Variants in HMG20A observed in about 807,000 individuals in gnomAD.
HMG20A encodes the protein high mobility group protein 20A.
In HMG20A, 17 loss-of-function variants were observed where a neutral mutation model predicts 43.9. The observed-to-expected ratio is 0.39, with a 90% CI of 0.27 to 0.58. The LOEUF (loss-of-function observed/expected upper bound fraction) is 0.58, where lower values mean the gene tolerates loss of function less well. Among genes scored for constraint, HMG20A ranks in the 20% least tolerant of loss-of-function variants. The probability of loss-of-function intolerance (pLI) is 0.59; values close to 1 mark genes in which losing one functional copy is unlikely to be tolerated. For missense variants in HMG20A, 341 were observed against 438.2 expected (o/e 0.78, Z 1.98); for synonymous variants, 132 against 147.5 (o/e 0.89, Z 0.76).
rs919996414 is a variant in HMG20A at position 77,444,809 on chromosome 15, T to C, written c.-4-13595T>C. Among the ~76,000 whole-genome samples the C allele has an allele frequency of 8.5e-4, 130 of 152,218 alleles. 2 individuals are homozygous for C. The highest frequency in any genetic ancestry group is 8.5e-3 in the Admixed American group (130 of 15,282). On this transcript the variant is annotated intron_variant, in intron 1 of 9. Transcript: ENST00000336216. ...AGCAAAATAATTCTGAGTTTTTCAA[T>C]TTATTTCTGTTTAAACTGTAAAGCA...
At chr15:77,468,572 TTCTCTC>T (rs34591065) in intron 4 of HMG20A, among the ~76,000 whole-genome samples, 10 of 141,864 alleles carry the variant, frequency 7.0e-5, no homozygotes, top group South Asian at 2.3e-4. Context: ...TGCTCAGTCT[TTCTCTC>T]TCTCTCTCTC....
At position 77,480,484 on chromosome 15, in the gene HMG20A, A is replaced by G. The variant is rs527991524; in HGVS notation, c.*6+1163A>G. Among the ~76,000 whole-genome samples, 41 of 151,764 alleles carry G rather than the reference A, an allele frequency of 2.7e-4. 1 individual carries two copies. In the South Asian group the frequency reaches 8.1e-3, roughly 30 times the overall value. On this transcript the variant is annotated intron_variant, in intron 9 of 9. Coordinates refer to ENST00000336216, the MANE Select transcript of HMG20A (RefSeq NM_001304504.2). Reference sequence around the variant, plus strand: ...AAAAATTAGCTGAGCATGATGGCGCACACCTATAGTCCTAGCTACTCAGGA... The same window carrying G: ...AAAAATTAGCTGAGCATGATGGCGCGCACCTATAGTCCTAGCTACTCAGGA...
At chr15:77,478,182 G>C (rs1595932586) in intron 7 of HMG20A, 113 bp from the exon 8 acceptor site, 1 of 930,990 alleles carries the variant, frequency 1.1e-6, no homozygotes, top group Non-Finnish European at 1.7e-6. Context: ...AGGGAGATGA[G>C]GTGGGGTAGC....
intron 1 of HMG20A, among the ~76,000 whole-genome samples, chr15:77,436,837 C>T (rs1199713082): frequency 6.6e-6 from 1 of 152,104 alleles, no homozygotes; most frequent in Non-Finnish European, 1.5e-5. Context: ...CACATCATGC[C>T]CCTCCTTAAA....
chr15:77,422,444 C>T lies in HMG20A; in HGVS notation c.-5+1440C>T, dbSNP rs560405789. On this transcript the variant is annotated intron_variant, in intron 1 of 9. Coordinates refer to ENST00000336216, the MANE Select transcript of HMG20A (RefSeq NM_001304504.2). Reference sequence around the variant, plus strand: ...CAGCCTGGCCAGCATGGTGAAACCCCGTCTCTACTAAAAATACAAAAATTA... The same window carrying T: ...CAGCCTGGCCAGCATGGTGAAACCCTGTCTCTACTAAAAATACAAAAATTA... Among the ~76,000 whole-genome samples the T allele has an allele frequency of 4.6e-5, 7 of 152,134 alleles. No individual in the cohort carries two copies. The East Asian group carries it at 5.8e-4, about 13-fold the overall frequency.
chr15:77,495,338 A>C, the HMG20A span, among the ~76,000 whole-genome samples: 1 of 152,204 alleles, frequency 6.6e-6, no homozygotes, highest in Admixed American at 6.5e-5. Flanking sequence ...ACTTGAGGTC[A>C]GGCGTTCGAG....
chr15:77,502,469 G>T, the HMG20A span, among the ~76,000 whole-genome samples: 1 of 152,242 alleles, frequency 6.6e-6, no homozygotes, highest in African/African-American at 2.4e-5. Context: ...CCTCCATTCA[G>T]TGGTTTCTCG....
Position 77,479,316 on chromosome 15 carries a change from G to A in HMG20A, c.*1G>A, listed in dbSNP as rs371055803. Reference sequence around the variant, plus strand: ...AGTTGTGAACAGACTCGATCGTTAGGGAATGGTGAGTGCTCACTGATAAAT... The same window carrying A: ...AGTTGTGAACAGACTCGATCGTTAGAGAATGGTGAGTGCTCACTGATAAAT... On this transcript the variant is annotated 3_prime_UTR_variant, in exon 9 of 10. Transcript: ENST00000336216. The A allele has an allele frequency of 6.2e-7, 1 of 1,613,564 alleles. No individual in the cohort carries two copies. The highest frequency in any genetic ancestry group is 1.3e-5 in the African/African-American group (1 of 74,990).
intron 4 of HMG20A, 124 bp from the exon 5 acceptor site, chr15:77,470,786 A>G: frequency 1.4e-6 from 1 of 739,688 alleles, no homozygotes; most frequent in South Asian, 3.2e-5. Flanking sequence ...TTCTTTTTTA[A>G]GGCATATTCC....
At chr15:77,468,377 G>GT (rs1396011847) in intron 4 of HMG20A, among the ~76,000 whole-genome samples, 1 of 151,918 alleles carries the variant, frequency 6.6e-6, no homozygotes. Flanking sequence ...AAGGTTTTGT[G>GT]TTTGTTTTTG....
In HMG20A at chr15:77,450,560, T is replaced by C. The variant is rs888792722; in HGVS notation, c.-4-7844T>C. On this transcript the variant is annotated intron_variant, in intron 1 of 9. Coordinates refer to ENST00000336216, the MANE Select transcript of HMG20A (RefSeq NM_001304504.2). ...ACCATTATTCCTGATTCAGAATTCA[T>C]GTGCTACCAATAAGAATCATTCTCT... 2.6e-5 allele frequency among the ~76,000 whole-genome samples: 4 copies of C among 152,266 alleles called. No homozygotes were observed. The East Asian group carries it at 7.7e-4, about 29-fold the overall frequency.
intron 6 of HMG20A, among the ~76,000 whole-genome samples, chr15:77,472,216 T>C (rs561539432): frequency 7.2e-5 from 11 of 152,338 alleles, no homozygotes; most frequent in African/African-American, 2.4e-4. Flanking sequence ...AGCGAACTGT[T>C]CAACTACAAT....
chr15:77,518,567 C>T, the HMG20A span, among the ~76,000 whole-genome samples: 1 of 152,218 alleles, frequency 6.6e-6, no homozygotes, highest in South Asian at 2.1e-4. Flanking sequence ...ACTTGGTCCA[C>T]AGTTGTTTAT....
At chr15:77,461,547 G>C (rs566893923) in intron 2 of HMG20A, among the ~76,000 whole-genome samples, 6 of 152,184 alleles carry the variant, frequency 3.9e-5, no homozygotes, top group Non-Finnish European at 8.8e-5. Flanking sequence ...GTGGGCTTTA[G>C]CTAGGAACAT....
chr15:77,466,097 T>C lies in HMG20A; in HGVS notation c.238-998T>C, dbSNP rs534172866. On this transcript the variant is annotated intron_variant, in intron 3 of 9. Transcript: ENST00000336216. ...GACCTCTGACTATAAAATGTACATC[T>C]AGGCCGGGTGCAGTGGATCACGCCT... is the stretch of plus-strand genomic sequence containing the variant. 3.9e-5 allele frequency among the ~76,000 whole-genome samples: 6 copies of C among 152,250 alleles called. No homozygotes were observed. In the South Asian group the frequency reaches 1.2e-3, roughly 32 times the overall value.
rs557314970 is a variant in HMG20A, at chr15:77,462,059, AG to A, written c.90-2180del. On this transcript the variant is annotated intron_variant, in intron 2 of 9. Coordinates refer to ENST00000336216, the MANE Select transcript of HMG20A (RefSeq NM_001304504.2). ...TATGTTTCCTAGAAAGGGTCAGAAA[AG>A]TTTAATTTCTTTCAGTCCCAGGACA... Among the ~76,000 whole-genome samples the A allele has an allele frequency of 7.9e-5, 12 of 152,304 alleles. No homozygotes were observed. The South Asian group carries it at 2.5e-3, about 32-fold the overall frequency.
At chr15:77,473,111 G>A (rs1420223914) in intron 6 of HMG20A, among the ~76,000 whole-genome samples, 1 of 152,164 alleles carries the variant, frequency 6.6e-6, no homozygotes, top group East Asian at 1.9e-4. Flanking sequence ...ATAGAGAAAA[G>A]ATTCAGATTC....
At chr15:77,464,462 T>C in intron 3 of HMG20A, 75 bp downstream of exon 3, 3 of 1,493,428 alleles carry the variant, frequency 2.0e-6, no homozygotes, top group Admixed American at 3.6e-5. Context: ...GGTGTGTTGA[T>C]CAAGGTGTTC....
In HMG20A at chr15:77,479,430, T is replaced by C. The variant is rs184275019; in HGVS notation, c.*6+109T>C. On this transcript the variant is annotated intron_variant, in intron 9 of 9. Transcript: ENST00000336216. ...CCTGGGATTACATTGGATGAACAAG[T>C]TGGAGACTTGGTTAAGATTCCTGTT... 9.7e-5 allele frequency: 98 copies of C among 1,008,054 alleles called. No individual in the cohort carries two copies. The African/African-American group carries it at 1.4e-3, about 15-fold the overall frequency. The allele number at this position is 1,008,054 out of a possible 1,614,324, so 62.4% of individuals were successfully genotyped here. A position where few individuals can be genotyped will look rare whatever the true frequency, so the allele number is the denominator to read the frequency against.
Sources: allele counts gnomAD v4.1 joint callset (sites outside exome capture counted in the v4.1 genomes callset), GRCh38; gene constraint gnomAD v4.1.1; transcripts MANE v1.5; gene names NCBI Gene and HGNC (gene_info 2026-07-23, HGNC 2026-07-21).